The following LEKR1 variants were observed in gnomAD, a reference collection of about 807,000 sequenced individuals.
LEKR1 encodes protein LEKR1.
A neutral mutation model predicts 72.4 loss-of-function variants in LEKR1; 59 were observed. That is an observed-to-expected ratio of 0.82 (90% CI 0.66 to 1.01). The LOEUF (loss-of-function observed/expected upper bound fraction) is 1.01, where lower values mean the gene tolerates loss of function less well. LEKR1 is among the 50% of genes least tolerant of loss of function. The probability of loss-of-function intolerance (pLI) is 0.00; values close to 1 mark genes in which losing one functional copy is unlikely to be tolerated. For missense variants in LEKR1, 728 were observed against 759.2 expected (o/e 0.96, Z 0.48); for synonymous variants, 257 against 263.2 (o/e 0.98, Z 0.23).
chr3:156,930,298 A>G (rs1412213766), intron 5 of LEKR1, among the ~76,000 whole-genome samples: 3 of 152,178 alleles, frequency 2.0e-5, no homozygotes, highest in Non-Finnish European at 4.4e-5. Flanking sequence ...AATGCACCAT[A>G]AGTGACAAAT....
chr3:156,867,085 G>A (rs530115781), intron 3 of LEKR1, among the ~76,000 whole-genome samples: 3 of 152,088 alleles, frequency 2.0e-5, no homozygotes, highest in African/African-American at 7.2e-5. Flanking sequence ...CTGTATCTCT[G>A]GTAATTTAGA....
chr3:157,040,068 T>C (rs962461877), intron 12 of LEKR1, among the ~76,000 whole-genome samples: 1 of 151,618 alleles, frequency 6.6e-6, no homozygotes, highest in Non-Finnish European at 1.5e-5. Context: ...ACCTTAGCCT[T>C]GGGCCATGGG....
intron 6 of LEKR1, among the ~76,000 whole-genome samples, chr3:156,948,793 A>T (rs1726901051): frequency 6.6e-6 from 1 of 151,536 alleles, no homozygotes; most frequent in South Asian, 2.1e-4. Flanking sequence ...CAAGTGTATA[A>T]GTGTGTCCTT....
At chr3:156,847,475 C>T (rs1714760878) in intron 2 of LEKR1, among the ~76,000 whole-genome samples, 1 of 152,048 alleles carries the variant, frequency 6.6e-6, no homozygotes, top group South Asian at 2.1e-4. Context: ...TGATATAATA[C>T]CAAGTTATAA....
At chr3:157,004,349 C>T (rs770303840) in intron 9 of LEKR1, among the ~76,000 whole-genome samples, 1 of 152,034 alleles carries the variant, frequency 6.6e-6, no homozygotes, top group Non-Finnish European at 1.5e-5. Flanking sequence ...GATGGAATTC[C>T]AAGAAGTAGG....
At chr3:156,829,130 C>T (rs768785929) in intron 1 of LEKR1, among the ~76,000 whole-genome samples, 156 bp from the exon 2 acceptor site, 30 of 152,202 alleles carry the variant, frequency 2.0e-4, no homozygotes, top group Non-Finnish European at 4.0e-4. Context: ...GGAGAAAACC[C>T]TAACTGTACC....
At chr3:157,006,077 C>T (rs1157053345) in intron 9 of LEKR1, among the ~76,000 whole-genome samples, 2 of 151,514 alleles carry the variant, frequency 1.3e-5, no homozygotes, top group Admixed American at 1.3e-4. Context: ...GCAATCTCGG[C>T]TTACTGCAAG....
intron 3 of LEKR1, among the ~76,000 whole-genome samples, chr3:156,896,586 T>C (rs77506582): frequency 0.032 from 4,839 of 152,258 alleles, 117 homozygotes; most frequent in Non-Finnish European, 0.047. Flanking sequence ...GGAAAGGGAA[T>C]GCTTATACAC....
At chr3:156,842,290 T>A (rs911165915) in intron 2 of LEKR1, among the ~76,000 whole-genome samples, 10 of 152,272 alleles carry the variant, frequency 6.6e-5, no homozygotes, top group Admixed American at 1.3e-4. Flanking sequence ...TATTTCTCTA[T>A]TGAAGAAAAA....
At chr3:156,979,069 A>C (rs1294299291) in intron 6 of LEKR1, 125 bp from the exon 7 acceptor site, 3 of 397,478 alleles carry the variant, frequency 7.5e-6, no homozygotes, top group Non-Finnish European at 1.4e-5. Context: ...ATACAGGCAA[A>C]GTGGAATAAG....
At chr3:157,032,979 A>T (rs1225609602) in intron 12 of LEKR1, among the ~76,000 whole-genome samples, 1 of 152,166 alleles carries the variant, frequency 6.6e-6, no homozygotes, top group Non-Finnish European at 1.5e-5. Flanking sequence ...TTATGGCCAC[A>T]AAACCAGTGA....
chr3:157,024,305 C>G (rs997262331), intron 10 of LEKR1, among the ~76,000 whole-genome samples: 9 of 152,144 alleles, frequency 5.9e-5, no homozygotes, highest in African/African-American at 2.2e-4. Flanking sequence ...CAATCTGTGA[C>G]TTCAAAACTT....
At chr3:156,881,463 A>G (rs1719330666) in intron 3 of LEKR1, among the ~76,000 whole-genome samples, 1 of 152,216 alleles carries the variant, frequency 6.6e-6, no homozygotes, top group Admixed American at 6.5e-5. Flanking sequence ...GGACCTCTTC[A>G]AGGAGAACTA....
intron 3 of LEKR1, chr3:156,853,267 A>G (rs1272830555): frequency 9.9e-6 from 2 of 202,564 alleles, no homozygotes; most frequent in Non-Finnish European, 2.0e-5. Flanking sequence ...ACGTTTTATT[A>G]TTAGGAAAAT....
chr3:156,868,837 C>A (rs1271046475), intron 3 of LEKR1, among the ~76,000 whole-genome samples: 1 of 151,752 alleles, frequency 6.6e-6, no homozygotes. Flanking sequence ...CTTTTCATTC[C>A]CCCTCCCACC....
chr3:156,852,705 CTTCAG>C, intron 2 of LEKR1, 58 bp from the exon 3 acceptor site: 2 of 770,744 alleles, frequency 2.6e-6, no homozygotes, highest in Non-Finnish European at 4.1e-6. Context: ...GCTACAATAT[CTTCAG>C]TTGAACTTGT....
chr3:156,937,951 C>A (rs1725869264), intron 5 of LEKR1, among the ~76,000 whole-genome samples: 1 of 152,094 alleles, frequency 6.6e-6, no homozygotes, highest in African/African-American at 2.4e-5. Context: ...ATATAGCATT[C>A]TTGAAATAAC....
intron 6 of LEKR1, among the ~76,000 whole-genome samples, chr3:156,952,380 TGA>T (rs887804392): frequency 7.9e-5 from 12 of 151,642 alleles, no homozygotes; most frequent in Non-Finnish European, 1.8e-4. Context: ...TAAATACTTG[TGA>T]AATTCTTTAA....
At chr3:156,831,178 T>A (rs1392105767) in intron 2 of LEKR1, among the ~76,000 whole-genome samples, 7 of 151,976 alleles carry the variant, frequency 4.6e-5, no homozygotes, top group Admixed American at 4.6e-4. Context: ...AAATGGTCCA[T>A]GTGTGAAGAC....
Sources: allele counts gnomAD v4.1 joint callset (sites outside exome capture counted in the v4.1 genomes callset), GRCh38; gene constraint gnomAD v4.1.1; transcripts MANE v1.5; gene names NCBI Gene and HGNC (gene_info 2026-07-23, HGNC 2026-07-21).